KTN1: variants seen among roughly 807,000 people sequenced by gnomAD.
KTN1 encodes the protein kinectin.
A neutral mutation model predicts 222.5 loss-of-function variants in KTN1; 130 were observed. That is an observed-to-expected ratio of 0.58 (90% CI 0.51 to 0.68). The LOEUF (loss-of-function observed/expected upper bound fraction) is 0.68. KTN1 is among the 30% of genes least tolerant of loss of function. The pLI is 0.00. For synonymous variants in KTN1, 512 were observed against 496.3 expected, an observed-to-expected ratio of 1.03 and a Z score of -0.42; for missense variants, 1,508 against 1,500.4, an observed-to-expected ratio of 1.01 and a Z score of -0.08.
intron 18 of KTN1, among the ~76,000 whole-genome samples, chr14:55,646,489 C>T (rs71412691): frequency 1.1e-5 from 1 of 89,484 alleles, no homozygotes; most frequent in African/African-American, 4.9e-5. Flanking sequence ...CCTTTCCTTT[C>T]CTTTCCTTTC....
At chr14:55,680,524 C>T (rs552467539) in intron 43 of KTN1, 170 of 472,402 alleles carry the variant, frequency 3.6e-4, no homozygotes, top group Middle Eastern at 3.5e-4. Flanking sequence ...ATCATGATAT[C>T]CTGGAGACCC....
intron 40 of KTN1, chr14:55,675,318 A>C (rs2141359594): frequency 6.5e-6 from 1 of 152,754 alleles, no homozygotes; most frequent in Middle Eastern, 3.4e-3. Flanking sequence ...TTGATGGTAT[A>C]ATACAGGCCA....
chr14:55,630,431 A>G (rs1429920038), intron 7 of KTN1, among the ~76,000 whole-genome samples: 1 of 152,206 alleles, frequency 6.6e-6, no homozygotes, highest in African/African-American at 2.4e-5. Context: ...TTATCAAGTA[A>G]GAGAGTAAAG....
At chr14:55,630,949 A>T (rs990177593) in intron 7 of KTN1, among the ~76,000 whole-genome samples, 28 of 152,108 alleles carry the variant, frequency 1.8e-4, no homozygotes, top group Admixed American at 1.8e-3. Flanking sequence ...GGTGATAGTG[A>T]AGAATGACTT....
chr14:55,612,715 A>G (rs2037767855), intron 2 of KTN1, 144 bp downstream of exon 2: 1 of 724,072 alleles, frequency 1.4e-6, no homozygotes, highest in East Asian at 3.0e-5. Flanking sequence ...TGCTTCATTA[A>G]CATTAATTGC....
chr14:55,636,008 T>C (rs1192102462), intron 9 of KTN1, among the ~76,000 whole-genome samples: 1 of 152,208 alleles, frequency 6.6e-6, no homozygotes, highest in Non-Finnish European at 1.5e-5. Flanking sequence ...TTAAAGATTA[T>C]AGTCATGATT....
intron 18 of KTN1, among the ~76,000 whole-genome samples, chr14:55,645,627 A>G (rs143422151): frequency 6.6e-6 from 1 of 152,218 alleles, no homozygotes; most frequent in Non-Finnish European, 1.5e-5. Flanking sequence ...TTTGTTTTTC[A>G]TAGTATAAAC....
intron 1 of KTN1, among the ~76,000 whole-genome samples, chr14:55,583,446 C>T (rs2032199992): frequency 6.6e-6 from 1 of 152,136 alleles, no homozygotes; most frequent in Non-Finnish European, 1.5e-5. Context: ...TAGTATTTTA[C>T]GAATCGTCCT....
intron 1 of KTN1, among the ~76,000 whole-genome samples, 190 bp downstream of exon 1, chr14:55,580,544 G>A (rs1391298249): frequency 6.6e-6 from 1 of 150,952 alleles, no homozygotes; most frequent in Non-Finnish European, 1.5e-5. Context: ...TCTTGTTGGG[G>A]CCGGGACGCC....
intron 33 of KTN1, 81 bp downstream of exon 33, chr14:55,664,122 CT>C: frequency 1.2e-6 from 1 of 825,496 alleles, no homozygotes; most frequent in Non-Finnish European, 1.9e-6. Flanking sequence ...AAAGCATTTA[CT>C]TTTACTGCAA....
intron 27 of KTN1, among the ~76,000 whole-genome samples, 168 bp from the exon 28 acceptor site, chr14:55,653,391 G>A (rs925511659): frequency 6.6e-6 from 1 of 152,022 alleles, no homozygotes; most frequent in East Asian, 1.9e-4. Flanking sequence ...ATGAAAAATT[G>A]TTTAATAAAA....
At position 55,616,579 on chromosome 14, in the gene KTN1, C is replaced by G. The variant is rs755987069; in HGVS notation, c.586C>G (p.Leu196Val). Reference protein sequence around the residue: ...VPSKRQEALPLHQETKQESGS... With the variant: ...VPSKRQEALPVHQETKQESGS... ...ATCAAAAAGGCAAGAAGCATTGCCC[C>G]TCCACCAAGAGACTAAACAAGAAAG... Residue 196 changes from leucine to valine, a missense_variant, in exon 3 of 44, where the codon CTC becomes GTC. By Grantham distance (32) the Leu-to-Val change is conservative. Transcript: ENST00000395314. 1.1e-5 allele frequency: 17 copies of G among 1,607,990 alleles called. No homozygotes were observed. Among genetic ancestry groups the G allele is most frequent in the Non-Finnish European group, 1.4e-5 (17 of 1,177,972 alleles).
At chr14:55,607,139 A>G (rs2036844804) in intron 1 of KTN1, among the ~76,000 whole-genome samples, 1 of 152,142 alleles carries the variant, frequency 6.6e-6, no homozygotes, top group African/African-American at 2.4e-5. Flanking sequence ...TCTTTGTTAT[A>G]TTAATATAAA....
intron 35 of KTN1, chr14:55,671,251 C>CAT (rs2045423121): frequency 3.3e-6 from 1 of 304,024 alleles, no homozygotes; most frequent in Non-Finnish European, 6.0e-6. Flanking sequence ...TCTCAAGTGG[C>CAT]ATGAATAAAA....
At chr14:55,633,615 T>C (rs1305414890) in intron 8 of KTN1, among the ~76,000 whole-genome samples, 2 of 151,736 alleles carry the variant, frequency 1.3e-5, no homozygotes, top group African/African-American at 4.8e-5. Context: ...TAAACATGTA[T>C]GTGTATATTG....
chr14:55,636,352 C>G, intron 9 of KTN1, 97 bp from the exon 10 acceptor site: 1 of 850,044 alleles, frequency 1.2e-6, no homozygotes, highest in South Asian at 1.6e-5. Context: ...TTTTATGATA[C>G]AACAGTAAAG....
rs1257850844 is a variant in KTN1, at chr14:55,650,580, G to A, written c.2508G>A (p.Gln836=). 3 of 1,611,638 alleles carry A rather than the reference G, an allele frequency of 1.9e-6. No homozygotes were observed. The highest frequency in any genetic ancestry group is 2.7e-5 in the African/African-American group (2 of 74,946). The change falls in exon 24 of 44, where the codon CAG becomes CAA. Residue 836 remains glutamine, a synonymous_variant. Transcript: ENST00000395314. The stretch of plus-strand genomic sequence containing the variant: ...TTGTCATTGTCAAGGATTTGAAACA[G>A]GAAATAAAGGCTCTAAAAGAAGAAA... ...NKEKTVQDLK[Q]EIKALKEEIG...
At chr14:55,592,159 C>T (rs1206887387) in intron 1 of KTN1, among the ~76,000 whole-genome samples, 17 of 152,060 alleles carry the variant, frequency 1.1e-4, no homozygotes, top group Admixed American at 1.1e-3. Context: ...TACTTTGTGT[C>T]TAGTTTAAGA....
At chr14:55,647,951 A>G in intron 19 of KTN1, 74 bp from the exon 20 acceptor site, 1 of 451,106 alleles carries the variant, frequency 2.2e-6, no homozygotes, top group South Asian at 5.9e-5. Flanking sequence ...CTCAAAAAAA[A>G]ATAATAATTA....
Sources: allele counts gnomAD v4.1 joint callset (sites outside exome capture counted in the v4.1 genomes callset), GRCh38; gene constraint gnomAD v4.1.1; transcripts MANE v1.5; gene names NCBI Gene and HGNC (gene_info 2026-07-23, HGNC 2026-07-21).